The following THADA variants were observed in gnomAD, a reference collection of about 807,000 sequenced individuals.
THADA encodes the protein THADA armadillo repeat containing.
Under a neutral mutation model 219.8 loss-of-function variants are expected in THADA, and 213 were observed. That is an observed-to-expected ratio of 0.97 (90% CI 0.87 to 1.09). The LOEUF (loss-of-function observed/expected upper bound fraction) is 1.09. THADA is among the 50% of genes least tolerant of loss of function. The probability of loss-of-function intolerance (pLI) is 0.00; values close to 1 mark genes in which losing one functional copy is unlikely to be tolerated. For missense variants in THADA, 2,956 were observed against 2,311.3 expected (o/e 1.28, Z -5.72); for synonymous variants, 1,018 against 828.9 (o/e 1.23, Z -3.92).
intron 29 of THADA, among the ~76,000 whole-genome samples, chr2:43,392,515 C>T (rs113247303): frequency 1.8e-3 from 275 of 152,188 alleles, no homozygotes; most frequent in African/African-American, 6.5e-3. Context: ...ACTAGCTGGC[C>T]GAACTAGCCT....
chr2:43,497,839 C>T (rs887722887), intron 25 of THADA, among the ~76,000 whole-genome samples: 3 of 151,952 alleles, frequency 2.0e-5, no homozygotes, highest in African/African-American at 7.3e-5. Context: ...GAGCTGAGAT[C>T]ACACCACTGC....
chr2:43,375,178 C>T (rs972137904), intron 29 of THADA, among the ~76,000 whole-genome samples: 7 of 152,136 alleles, frequency 4.6e-5, no homozygotes, highest in Admixed American at 6.5e-5. Flanking sequence ...GCCAATTATG[C>T]GTTATTATTT....
chr2:43,594,494 G>T (rs900694688), intron 1 of THADA, among the ~76,000 whole-genome samples: 34 of 152,144 alleles, frequency 2.2e-4, no homozygotes, highest in African/African-American at 7.0e-4. Flanking sequence ...TGAGGCAGGA[G>T]AATGGCTTGA....
chr2:43,435,462 G>T (rs1679953549), intron 26 of THADA, among the ~76,000 whole-genome samples: 1 of 143,596 alleles, frequency 7.0e-6, no homozygotes, highest in Non-Finnish European at 1.5e-5. Context: ...GGAAGGAAGG[G>T]AGGAAGGAAG....
chr2:43,305,752 C>T (rs1371651165), intron 31 of THADA, among the ~76,000 whole-genome samples: 1 of 152,150 alleles, frequency 6.6e-6, no homozygotes, highest in African/African-American at 2.4e-5. Flanking sequence ...ACAGCTTTTA[C>T]TATTGCCTCC....
chr2:43,307,979 T>C (rs1312837986), intron 31 of THADA, among the ~76,000 whole-genome samples: 4 of 152,104 alleles, frequency 2.6e-5, no homozygotes, highest in Non-Finnish European at 5.9e-5. Flanking sequence ...AAGGGAGATA[T>C]AGAAGATATA....
chr2:43,255,436 C>T (rs1670208423), intron 36 of THADA, among the ~76,000 whole-genome samples: 1 of 152,164 alleles, frequency 6.6e-6, no homozygotes, highest in Non-Finnish European at 1.5e-5. Context: ...TGATCCTGTT[C>T]CTGCCTTCTT....
intron 22 of THADA, among the ~76,000 whole-genome samples, chr2:43,519,130 C>A (rs903706457): frequency 6.6e-6 from 1 of 151,994 alleles, no homozygotes; most frequent in African/African-American, 2.4e-5. Flanking sequence ...TCTTTAACGT[C>A]TGTCTTGTAA....
At chr2:43,497,576 T>A (rs547945206) in intron 25 of THADA, among the ~76,000 whole-genome samples, 6 of 152,100 alleles carry the variant, frequency 3.9e-5, no homozygotes, top group African/African-American at 1.4e-4. Context: ...AAATAGCTAA[T>A]GCATGCCGGG....
At chr2:43,435,168 G>A (rs2104838931) in intron 26 of THADA, among the ~76,000 whole-genome samples, 1 of 152,232 alleles carries the variant, frequency 6.6e-6, no homozygotes, top group Admixed American at 6.5e-5. Flanking sequence ...TAAACAAATA[G>A]CCAGGGCCAG....
At chr2:43,265,976 C>G (rs941353976) in intron 36 of THADA, among the ~76,000 whole-genome samples, 1 of 131,362 alleles carries the variant, frequency 7.6e-6, no homozygotes, top group Non-Finnish European at 1.7e-5. Context: ...CACACACACA[C>G]ACACACACAC....
At chr2:43,527,410 AG>A (rs1271989809) in intron 22 of THADA, among the ~76,000 whole-genome samples, 1 of 152,230 alleles carries the variant, frequency 6.6e-6, no homozygotes, top group Non-Finnish European at 1.5e-5. Context: ...TCCAGGTAAA[AG>A]GAAAAAAATA....
chr2:43,458,960 T>C (rs951072668), intron 26 of THADA, among the ~76,000 whole-genome samples: 10 of 152,198 alleles, frequency 6.6e-5, no homozygotes, highest in Admixed American at 5.2e-4. Flanking sequence ...AAAAAAATTT[T>C]GCTGGTTCAC....
chr2:43,285,244 G>A (rs770180574), intron 35 of THADA, among the ~76,000 whole-genome samples: 3 of 152,144 alleles, frequency 2.0e-5, no homozygotes, highest in African/African-American at 4.8e-5. Context: ...GATATGATCT[G>A]GACTTGTGTC....
intron 28 of THADA, among the ~76,000 whole-genome samples, chr2:43,412,983 G>A (rs1205951589): frequency 2.0e-5 from 3 of 152,128 alleles, no homozygotes; most frequent in Non-Finnish European, 4.4e-5. Flanking sequence ...TGATAGGCAT[G>A]AGTGCATGAG....
chr2:43,310,087 A>C (rs1677314538), intron 31 of THADA, among the ~76,000 whole-genome samples: 1 of 152,238 alleles, frequency 6.6e-6, no homozygotes. Flanking sequence ...ATGGAAAGAC[A>C]TCCAGTGTTT....
At chr2:43,383,378 A>G (rs2104663373) in intron 29 of THADA, among the ~76,000 whole-genome samples, 1 of 152,324 alleles carries the variant, frequency 6.6e-6, no homozygotes, top group African/African-American at 2.4e-5. Context: ...TGACAGCTAG[A>G]ACACAAAGCT....
chr2:43,577,796 A>G (rs1032830561), intron 9 of THADA, among the ~76,000 whole-genome samples: 9 of 152,158 alleles, frequency 5.9e-5, no homozygotes, highest in Non-Finnish European at 1.2e-4. Flanking sequence ...TCCTGTCTAA[A>G]GCACATGATT....
At chr2:43,252,714 C>T (rs1326852632) in intron 36 of THADA, among the ~76,000 whole-genome samples, 1 of 152,178 alleles carries the variant, frequency 6.6e-6, no homozygotes, top group Non-Finnish European at 1.5e-5. Flanking sequence ...TCCTAGTCCC[C>T]AGTGCTCTTG....
Sources: allele counts gnomAD v4.1 joint callset (sites outside exome capture counted in the v4.1 genomes callset), GRCh38; gene constraint gnomAD v4.1.1; transcripts MANE v1.5; gene names NCBI Gene and HGNC (gene_info 2026-07-23, HGNC 2026-07-21).